Variants in CDK5RAP1 observed in about 807,000 individuals in gnomAD.
CDK5RAP1 encodes CDK5RAP1 mitochondrial tRNA methylthiotransferase.
CDK5RAP1 carries 62 observed loss-of-function variants against 64.5 expected under a neutral mutation model. The ratio of observed to expected loss-of-function variants is 0.96; its 90% CI spans 0.78 to 1.19. The LOEUF (loss-of-function observed/expected upper bound fraction) is 1.19, where lower values mean the gene tolerates loss of function less well. Among genes scored for constraint, CDK5RAP1 ranks in the 50% most tolerant of loss-of-function variants. The pLI is 0.00. For synonymous variants in CDK5RAP1, 250 were observed against 261.9 expected (o/e 0.95, Z 0.44); for missense variants, 657 against 735.0 (o/e 0.89, Z 1.23).
At chr20:33,372,724 C>G (rs1424376627) in intron 9 of CDK5RAP1, 27 bp from the exon 10 acceptor site, 1 of 1,516,440 alleles carries the variant, frequency 6.6e-7, no homozygotes, top group African/African-American at 1.4e-5. Context: ...AAGGAAAAGG[C>G]CTACATAAAT....
rs559637106 is a variant in CDK5RAP1, at chr20:33,364,643, C to A, written c.1542+2216G>T. Among the ~76,000 whole-genome samples, 24 of 150,940 alleles carry A rather than the reference C, an allele frequency of 1.6e-4. No individual in the cohort carries two copies. The South Asian group carries it at 4.8e-3, about 30-fold the overall frequency. On this transcript the variant is annotated intron_variant, in intron 12 of 13. Transcript: ENST00000346416. ...AGGCTAGAGTACAATGGCGCGATCT[C>A]GGCTCACCATAACCTCCGCCTCCCA...
At chr20:33,394,944 C>T (rs986111655) in intron 3 of CDK5RAP1, 69 bp downstream of exon 3, 19 of 968,520 alleles carry the variant, frequency 2.0e-5, no homozygotes, top group Admixed American at 3.4e-5. Flanking sequence ...GAAACTACAC[C>T]TAAGAACTGG....
In CDK5RAP1 at chr20:33,370,781, G is replaced by A. The variant is rs781243662; in HGVS notation, c.1262-152C>T. 7.3e-5 allele frequency: 50 copies of A among 686,432 alleles called. 1 individual carries two copies. The highest frequency in any genetic ancestry group is 1.0e-4 in the Non-Finnish European group (41 of 411,798). The allele number at this position is 686,432 out of a possible 1,614,324, so 42.5% of individuals were successfully genotyped here. A position where few individuals can be genotyped will look rare whatever the true frequency, so the allele number is the denominator to read the frequency against. On this transcript the variant is annotated intron_variant, in intron 10 of 13. Coordinates refer to ENST00000346416, the MANE Select transcript of CDK5RAP1 (RefSeq NM_016408.4). Reference sequence around the variant, plus strand: ...AAAACAAAATAGTACAGAGTAAGGCGGGATAGGCCTGTTCACCCACAGCAT... The same window carrying A: ...AAAACAAAATAGTACAGAGTAAGGCAGGATAGGCCTGTTCACCCACAGCAT...
intron 5 of CDK5RAP1, among the ~76,000 whole-genome samples, chr20:33,391,359 A>C (rs1473673548): frequency 1.3e-5 from 2 of 152,132 alleles, no homozygotes; most frequent in East Asian, 3.8e-4. Context: ...GCTACTGAGA[A>C]GTTGAAATGT....
At position 33,370,551 on chromosome 20, in the gene CDK5RAP1, A is replaced by G. The variant is rs1164532800; in HGVS notation, c.1340T>C (p.Leu447Pro). 1 of 1,614,024 alleles carries G rather than the reference A, an allele frequency of 6.2e-7. No individual in the cohort carries two copies. The highest frequency in any genetic ancestry group is 1.3e-5 in the African/African-American group (1 of 74,912). ...GCCCATGTTGTACTGAACTTCCCGG[A>G]GCAAAGAGACTGTCTGGACGTGATC... ...EEDHVQTVSL[L>P]REVQYNMGFL... Residue 447 changes from leucine to proline, a missense_variant, in exon 11 of 14, where the codon CTC (leucine) becomes CCC (proline). By Grantham distance (98) the Leu-to-Pro change is moderately conservative. Transcript: ENST00000346416.
At chr20:33,371,588 G>A (rs890352634) in intron 10 of CDK5RAP1, among the ~76,000 whole-genome samples, 1 of 152,068 alleles carries the variant, frequency 6.6e-6, no homozygotes, top group Non-Finnish European at 1.5e-5. Flanking sequence ...AGGAGTTCGG[G>A]ACCAGCCTGG....
intron 4 of CDK5RAP1, among the ~76,000 whole-genome samples, chr20:33,392,663 A>G (rs1292236120): frequency 6.6e-6 from 1 of 152,056 alleles, no homozygotes; most frequent in Non-Finnish European, 1.5e-5. Flanking sequence ...AACACTTGCT[A>G]TAATTTACCT....
intron 6 of CDK5RAP1, 109 bp from the exon 7 acceptor site, chr20:33,385,879 G>C: frequency 9.8e-7 from 1 of 1,018,220 alleles, no homozygotes; most frequent in Admixed American, 2.7e-5. Flanking sequence ...GAATCCTCTT[G>C]CCACAATGCT....
At chr20:33,390,096 G>C (rs1373772969) in intron 5 of CDK5RAP1, among the ~76,000 whole-genome samples, 2 of 151,898 alleles carry the variant, frequency 1.3e-5, no homozygotes, top group African/African-American at 4.8e-5. Flanking sequence ...TGGCAACATA[G>C]TGAGACCCAC....
Position 33,396,774 on chromosome 20 carries a change from T to C in CDK5RAP1, c.291A>G (p.Gly97=). 1 of 1,612,656 alleles carries C rather than the reference T, an allele frequency of 6.2e-7. No homozygotes were observed. The highest frequency in any genetic ancestry group is 8.5e-7 in the Non-Finnish European group (1 of 1,179,064). Residue 97 remains glycine (G), a synonymous_variant, in exon 2 of 14, where the codon GGA becomes GGG. Transcript: ENST00000346416. ...AGTAAAACCAACCTTTTCTCTGCCT[T>C]CCAAGAAGTTCATCCATCATGAGAT... ...PPYLMMDELL[G]RQRKVYLETY... is the part of the protein sequence containing the mutation.
chr20:33,394,981 C>A, intron 3 of CDK5RAP1, 32 bp downstream of exon 3: 1 of 1,332,106 alleles, frequency 7.5e-7, no homozygotes, highest in Non-Finnish European at 1.1e-6. Context: ...TGCCCAGGTC[C>A]AGGAAACAAA....
rs375505184 is a variant in CDK5RAP1, at chr20:33,370,502, T to A, written c.1389A>T (p.Arg463Ser). 6.2e-7 allele frequency: 1 copy of A among 1,614,088 alleles called. No individual in the cohort carries two copies. The highest frequency in any genetic ancestry group is 8.5e-7 in the Non-Finnish European group (1 of 1,179,998). The change falls in exon 11 of 14, where the codon AGA (arginine) becomes AGT (serine). Residue 463 changes from arginine (R) to serine (S), a missense_variant. Arg to Ser is a moderately radical substitution (Grantham distance 110). Coordinates refer to ENST00000346416, the MANE Select transcript of CDK5RAP1 (RefSeq NM_016408.4). ...NMGFLFAYSMRQKTRAYHRLK... is the reference protein window; with the variant it reads ...NMGFLFAYSMSQKTRAYHRLK... ...CCTCCCCAACCCCAGGGCTCACCTG[T>A]CTCATGCTGTAGGCAAAGAGGAAGC...
intron 2 of CDK5RAP1, among the ~76,000 whole-genome samples, chr20:33,395,734 C>T (rs890884413): frequency 6.6e-6 from 1 of 152,054 alleles, no homozygotes; most frequent in Non-Finnish European, 1.5e-5. Context: ...AGGACTAGGC[C>T]GAGGGTGGTG....
intron 3 of CDK5RAP1, 96 bp from the exon 4 acceptor site, chr20:33,394,162 TC>T: frequency 1.1e-6 from 1 of 897,838 alleles, no homozygotes; most frequent in Non-Finnish European, 1.8e-6. Flanking sequence ...TATTTTTTTT[TC>T]CTTTTTTTTT....
At chr20:33,388,768 G>A (rs1987838479) in intron 5 of CDK5RAP1, among the ~76,000 whole-genome samples, 1 of 152,056 alleles carries the variant, frequency 6.6e-6, no homozygotes, top group Non-Finnish European at 1.5e-5. Context: ...GCGATTGCAG[G>A]CGCGCGCCGC....
rs989316323 is a variant in CDK5RAP1, at chr20:33,360,489, G to A, written c.1545C>T (p.Leu515=). 2 of 1,607,858 alleles carry A rather than the reference G, an allele frequency of 1.2e-6. No homozygotes were observed. The highest frequency in any genetic ancestry group is 1.7e-6 in the Non-Finnish European group (2 of 1,177,918). The part of the protein sequence containing the change: ...GCTQLVLVEG[L]SKRSATDLCG... ...ACAGGTCAGTGGCAGAGCGTTTACT[G>A]AGCTGCAGAAAGAAGAGAGAAGAGT... Residue 515 remains leucine, a splice_region_variant and synonymous_variant, in exon 13 of 14, where the codon CTC becomes CTT. Transcript: ENST00000346416.
chr20:33,374,429 AG>A (rs1985637279), intron 8 of CDK5RAP1, among the ~76,000 whole-genome samples: 1 of 149,830 alleles, frequency 6.7e-6, no homozygotes, highest in Non-Finnish European at 1.5e-5. Flanking sequence ...GCTTTCAAAG[AG>A]TAGAGAGAAG....
chr20:33,385,493 G>T, intron 7 of CDK5RAP1, 157 bp downstream of exon 7: 2 of 732,182 alleles, frequency 2.7e-6, no homozygotes, highest in East Asian at 2.7e-5. Context: ...GTAATTTGTG[G>T]GCAATAAACC....
Position 33,366,860 on chromosome 20 carries a change from C to G in CDK5RAP1, c.1541G>C (p.Gly514Ala), listed in dbSNP as rs763361600. 1 of 1,611,826 alleles carries G rather than the reference C, an allele frequency of 6.2e-7. No homozygotes were observed. ...TAACACACACACATATGGCCTCACC[C>G]CTTCCACTAGCACCAACTGGGTACA... ...VGCTQLVLVE[G>A]LSKRSATDLC... Residue 514 changes from glycine to alanine, a missense_variant and splice_region_variant, in exon 12 of 14, where the codon GGG becomes GCG. Transcript: ENST00000346416.
Sources: allele counts gnomAD v4.1 joint callset (sites outside exome capture counted in the v4.1 genomes callset), GRCh38; gene constraint gnomAD v4.1.1; transcripts MANE v1.5; gene names NCBI Gene and HGNC (gene_info 2026-07-23, HGNC 2026-07-21).